The following ENTREP2 variants were observed in gnomAD, a reference collection of about 807,000 sequenced individuals.
ENTREP2 encodes the protein protein ENTREP2.
chr15:29,356,499 G>T, the ENTREP2 span, among the ~76,000 whole-genome samples: 2 of 150,970 alleles, frequency 1.3e-5, no homozygotes, highest in African/African-American at 4.9e-5. Context: ...TAGAGACGGG[G>T]TTTCACTGTG....
chr15:29,378,852 T>G, the ENTREP2 span, among the ~76,000 whole-genome samples: 1 of 152,260 alleles, frequency 6.6e-6, no homozygotes, highest in Non-Finnish European at 1.5e-5. Context: ...CCATTGGTTA[T>G]GTTTTTCTAA....
At chr15:29,549,397 G>A in the ENTREP2 span, among the ~76,000 whole-genome samples, 1 of 151,810 alleles carries the variant, frequency 6.6e-6, no homozygotes, top group Non-Finnish European at 1.5e-5. Context: ...AGCCTCCCGA[G>A]TAGCTGGGAC....
chr15:29,449,492 G>C, the ENTREP2 span, among the ~76,000 whole-genome samples: 1 of 152,130 alleles, frequency 6.6e-6, no homozygotes, highest in Admixed American at 6.5e-5. Context: ...CTCTGCTTTC[G>C]GAATGTGATG....
At chr15:29,595,210 G>A in the ENTREP2 span, among the ~76,000 whole-genome samples, 2 of 151,868 alleles carry the variant, frequency 1.3e-5, no homozygotes, top group African/African-American at 2.4e-5. Flanking sequence ...CTGAGTTCGC[G>A]CCACTACGCT....
the ENTREP2 span, among the ~76,000 whole-genome samples, chr15:29,503,087 A>T: frequency 6.6e-6 from 1 of 152,144 alleles, no homozygotes; most frequent in East Asian, 1.9e-4. Flanking sequence ...CTGTAATTCT[A>T]CCCTTACATA....
chr15:29,386,312 T>C, the ENTREP2 span, among the ~76,000 whole-genome samples: 88 of 152,256 alleles, frequency 5.8e-4, no homozygotes, highest in African/African-American at 1.9e-3. Context: ...CACTCAACCC[T>C]AGACGATGCC....
At chr15:29,227,013 A>T in the ENTREP2 span, among the ~76,000 whole-genome samples, 19 of 152,358 alleles carry the variant, frequency 1.2e-4, no homozygotes, top group East Asian at 1.2e-3. Flanking sequence ...TCTGCTGTGA[A>T]TATCCTGCTC....
chr15:29,467,966 T>G, the ENTREP2 span, among the ~76,000 whole-genome samples: 1 of 152,118 alleles, frequency 6.6e-6, no homozygotes, highest in Non-Finnish European at 1.5e-5. Flanking sequence ...TGATTGTTCC[T>G]GCCTCCAGAT....
the ENTREP2 span, among the ~76,000 whole-genome samples, chr15:29,661,209 G>C: frequency 1.3e-5 from 2 of 152,184 alleles, no homozygotes; most frequent in Non-Finnish European, 2.9e-5. Context: ...TGTTTGTTTT[G>C]TTTTCTTTTG....
At chr15:29,352,072 C>CT in the ENTREP2 span, among the ~76,000 whole-genome samples, 7 of 152,270 alleles carry the variant, frequency 4.6e-5, no homozygotes, top group South Asian at 4.1e-4. Context: ...GTAGCTGTGA[C>CT]TACAGGTGTG....
At chr15:29,594,114 G>C in the ENTREP2 span, among the ~76,000 whole-genome samples, 1 of 152,064 alleles carries the variant, frequency 6.6e-6, no homozygotes, top group African/African-American at 2.4e-5. Context: ...AAAAAAAAAG[G>C]AAATAAAAAT....
chr15:29,469,335 A>G, the ENTREP2 span, among the ~76,000 whole-genome samples: 1 of 152,082 alleles, frequency 6.6e-6, no homozygotes, highest in Admixed American at 6.6e-5. Context: ...GGGTAGCTGG[A>G]ATTACAGGCG....
chr15:29,144,349 G>A, the ENTREP2 span, among the ~76,000 whole-genome samples: 1 of 152,172 alleles, frequency 6.6e-6, no homozygotes, highest in East Asian at 1.9e-4. Flanking sequence ...AATAGAAAAT[G>A]TGACAAGAGA....
the ENTREP2 span, among the ~76,000 whole-genome samples, chr15:29,522,254 T>C: frequency 6.6e-6 from 1 of 152,202 alleles, no homozygotes; most frequent in Non-Finnish European, 1.5e-5. Flanking sequence ...AACAAAATTT[T>C]AAATGTGGCA....
the ENTREP2 span, among the ~76,000 whole-genome samples, chr15:29,290,752 C>T: frequency 2.0e-5 from 3 of 152,200 alleles, no homozygotes; most frequent in Non-Finnish European, 4.4e-5. Flanking sequence ...GTTCCTCTGC[C>T]TGTGATTTCC....
At chr15:29,519,382 C>A in the ENTREP2 span, among the ~76,000 whole-genome samples, 1,765 of 151,974 alleles carry the variant, frequency 0.012, 29 homozygotes, top group African/African-American at 0.041. Flanking sequence ...TCCTCTGCCT[C>A]TTCCTCCTCT....
At chr15:29,278,774 T>G in the ENTREP2 span, among the ~76,000 whole-genome samples, 3 of 152,244 alleles carry the variant, frequency 2.0e-5, no homozygotes, top group African/African-American at 7.2e-5. Flanking sequence ...AGAATTTATT[T>G]CTGGAGCCTC....
chr15:29,456,183 A>G, the ENTREP2 span, among the ~76,000 whole-genome samples: 1 of 152,176 alleles, frequency 6.6e-6, no homozygotes, highest in East Asian at 1.9e-4. Context: ...GATGTAGAGA[A>G]TTTGGTGATA....
chr15:29,223,247 A>G, the ENTREP2 span, among the ~76,000 whole-genome samples: 9 of 152,156 alleles, frequency 5.9e-5, no homozygotes, highest in Admixed American at 6.5e-5. Context: ...CTTCTCTTGA[A>G]AAGTTTCGAG....
Sources: gnomAD v4.1 joint callset for allele counts (sites outside exome capture counted in the v4.1 genomes callset) on GRCh38, gnomAD v4.1.1 for gene constraint, MANE v1.5 for transcripts, NCBI Gene and HGNC (gene_info 2026-07-23, HGNC 2026-07-21) for gene names.